Variants in TXLNB observed in about 807,000 individuals in gnomAD.
TXLNB encodes the protein taxilin beta.
Under a neutral mutation model 57.4 loss-of-function variants are expected in TXLNB, and 37 were observed. The ratio of observed to expected loss-of-function variants is 0.64; its 90% confidence interval spans 0.50 to 0.85. The LOEUF (loss-of-function observed/expected upper bound fraction) is 0.85. Among genes scored for constraint, TXLNB ranks in the 40% least tolerant of loss-of-function variants. The probability of loss-of-function intolerance (pLI) is 0.00; values close to 1 mark genes in which losing one functional copy is unlikely to be tolerated. For synonymous variants in TXLNB, 302 were observed against 309.6 expected, an observed-to-expected ratio of 0.98 and a Z score of 0.26; for missense variants, 848 against 825.6, an observed-to-expected ratio of 1.03 and a Z score of -0.33.
At position 139,243,333 on chromosome 6, in the gene TXLNB, C is replaced by T. The variant is rs755381399; in HGVS notation, c.1267-19G>A. 55 of 1,591,238 alleles carry T rather than the reference C, an allele frequency of 3.5e-5. No homozygotes were observed. The highest frequency in any genetic ancestry group is 4.3e-5 in the Non-Finnish European group (50 of 1,171,408). ...GTGCTTTCTGTGATGTGAAAACACA[C>T]GCACATACACACACAGATGAAATGA... On this transcript the variant is annotated intron_variant, in intron 9 of 9. Coordinates refer to ENST00000358430, the MANE Select transcript of TXLNB (RefSeq NM_153235.4).
At chr6:139,293,676 A>T (rs1032733328), upstream of TXLNB, among the ~76,000 whole-genome samples, 1 of 152,078 alleles carries the variant, frequency 6.6e-6, no homozygotes, top group African/African-American at 2.4e-5. Flanking sequence ...AAATGAAAAC[A>T]TCCCACCCCC....
chr6:139,240,406 T>G lies in TXLNB; in HGVS notation c.*2120A>C, dbSNP rs1456297446. The stretch of plus-strand genomic sequence containing the variant: ...GTAATGTGTTTCTGTGAAAGTCTTT[T>G]GGATGAAAATAATGAACTTTGGGTT... On this transcript the variant is annotated 3_prime_UTR_variant, in exon 10 of 10. Coordinates refer to ENST00000358430, the MANE Select transcript of TXLNB (RefSeq NM_153235.4). 6.5e-6 allele frequency: 1 copy of G among 152,674 alleles called. No individual in the cohort carries two copies. The highest frequency in any genetic ancestry group is 1.5e-5 in the Non-Finnish European group (1 of 68,034). The allele number at this position is 152,674 out of a possible 1,614,324, so 9.5% of individuals were successfully genotyped here. A position where few individuals can be genotyped will look rare whatever the true frequency, so the allele number is the denominator to read the frequency against.
the TXLNB span, among the ~76,000 whole-genome samples, chr6:139,304,370 G>T: frequency 6.6e-6 from 1 of 152,074 alleles, no homozygotes; most frequent in Admixed American, 6.6e-5. Flanking sequence ...TCCAAAATTC[G>T]GTTATATCAG....
the TXLNB span, among the ~76,000 whole-genome samples, chr6:139,210,202 A>T: frequency 4.8e-4 from 70 of 146,264 alleles, no homozygotes; most frequent in African/African-American, 1.2e-3. Flanking sequence ...TAAAAAATTT[A>T]AAAAAAAACA....
upstream of TXLNB, among the ~76,000 whole-genome samples, chr6:139,296,778 G>GGTGC (rs1777396358): frequency 6.6e-6 from 1 of 152,048 alleles, no homozygotes; most frequent in South Asian, 2.1e-4. Context: ...CAGGTGTGAT[G>GGTGC]GTGCGCACCT....
chr6:139,181,619 T>TAC, the TXLNB span, among the ~76,000 whole-genome samples: 2 of 152,232 alleles, frequency 1.3e-5, no homozygotes, highest in Non-Finnish European at 2.9e-5. Context: ...TAGTCATTGT[T>TAC]AATCTCTTAC....
chr6:139,294,313 A>C (rs1305035019), upstream of TXLNB, among the ~76,000 whole-genome samples: 1 of 152,112 alleles, frequency 6.6e-6, no homozygotes, highest in Non-Finnish European at 1.5e-5. Context: ...TTTCCTCAAC[A>C]CTTGATTCAT....
At chr6:139,162,505 C>T in the TXLNB span, among the ~76,000 whole-genome samples, 1 of 152,188 alleles carries the variant, frequency 6.6e-6, no homozygotes, top group Non-Finnish European at 1.5e-5. Context: ...CCAACTCAGG[C>T]AGTCTGGTTG....
At position 139,276,831 on chromosome 6, in the gene TXLNB, A is replaced by G. The variant is rs772794304; in HGVS notation, c.515T>C (p.Leu172Ser). The change falls in exon 3 of 10, where the codon TTG becomes TCG. Residue 172 changes from leucine to serine, a missense_variant and splice_region_variant. Transcript: ENST00000358430. ...AAAGAAGCTAATCCAAGATCTTACC[A>G]ATTCAGCATACTTCTTGAATAAAAA... ...FDFLFKKYAE[L>S]LDEHRTEQKK... 6.2e-7 allele frequency: 1 copy of G among 1,605,262 alleles called. No homozygotes were observed. The highest frequency in any genetic ancestry group is 8.5e-7 in the Non-Finnish European group (1 of 1,176,576).
the TXLNB span, among the ~76,000 whole-genome samples, chr6:139,218,498 A>T: frequency 3.9e-5 from 6 of 152,174 alleles, no homozygotes; most frequent in Admixed American, 3.9e-4. Flanking sequence ...CACACCTGTA[A>T]TCCCAGCACT....
chr6:139,316,347 C>A, the TXLNB span, among the ~76,000 whole-genome samples: 1 of 151,648 alleles, frequency 6.6e-6, no homozygotes, highest in Non-Finnish European at 1.5e-5. Flanking sequence ...GGTTTCTTAT[C>A]CCTCCCCTCC....
the TXLNB span, among the ~76,000 whole-genome samples, chr6:139,210,849 C>T: frequency 5.3e-5 from 8 of 152,240 alleles, no homozygotes; most frequent in African/African-American, 1.4e-4. Flanking sequence ...GCGCCTAGCT[C>T]GGAGGGTCCT....
At chr6:139,201,546 G>C in the TXLNB span, 1 of 152,102 alleles carries the variant, frequency 6.6e-6, no homozygotes, top group Non-Finnish European at 1.5e-5. Context: ...CATGCCTCTG[G>C]CATAGTGCCT....
chr6:139,288,761 T>C lies in TXLNB; in HGVS notation c.139A>G (p.Lys47Glu). The C allele has an allele frequency of 6.2e-7, 1 of 1,614,178 alleles. No individual in the cohort carries two copies. Among genetic ancestry groups the C allele is most frequent in the Non-Finnish European group, 8.5e-7 (1 of 1,180,026 alleles). The change falls in exon 2 of 10, where the codon AAA (lysine) becomes GAA (glutamate). Residue 47 changes from lysine (K) to glutamate (E), a missense_variant. By Grantham distance (56) the Lys-to-Glu change is moderately conservative. Coordinates refer to ENST00000358430, the MANE Select transcript of TXLNB (RefSeq NM_153235.4). ...ATATCGGGGTGCACACTTGCCTCTT[T>C]CTCTGGTGGTTGGACTGGGGTTGGA... The part of the protein sequence containing the change: ...DSPTPVQPPE[K>E]EASVHPDISE...
chr6:139,243,404 C>G, intron 9 of TXLNB, 90 bp from the exon 10 acceptor site: 2 of 1,360,406 alleles, frequency 1.5e-6, no homozygotes, highest in South Asian at 1.5e-5. Context: ...ACAAGCAAAA[C>G]TATTTGTCCC....
chr6:139,302,040 T>C, the TXLNB span, among the ~76,000 whole-genome samples: 5 of 152,086 alleles, frequency 3.3e-5, no homozygotes, highest in African/African-American at 9.7e-5. Context: ...ATATTCTTAA[T>C]TGAAACTACG....
chr6:139,244,109 C>T (rs1276877373), intron 9 of TXLNB, among the ~76,000 whole-genome samples: 1 of 152,098 alleles, frequency 6.6e-6, no homozygotes, highest in East Asian at 1.9e-4. Context: ...GGCATGAGAT[C>T]AGTGTTTAAA....
chr6:139,186,442 A>G, the TXLNB span, among the ~76,000 whole-genome samples: 1 of 152,220 alleles, frequency 6.6e-6, no homozygotes, highest in Non-Finnish European at 1.5e-5. Context: ...GCAAATTAAA[A>G]CCACAATGAG....
At position 139,262,704 on chromosome 6, in the gene TXLNB, T is replaced by A. The variant is rs1407936972; in HGVS notation, c.757A>T (p.Thr253Ser). The change falls in exon 5 of 10, where the codon ACC becomes TCC. Residue 253 changes from threonine to serine, a missense_variant. Thr to Ser is a moderately conservative substitution (Grantham distance 58). Transcript: ENST00000358430. ...ATCTGGCCCTGGATGTCCGTGAGGG[T>A]ACTCTGGAAATGGCTTGTGATTTCC... Reference protein sequence around the residue: ...RKEITSHFQSTLTDIQGQIEQ... With the variant: ...RKEITSHFQSSLTDIQGQIEQ... The A allele has an allele frequency of 1.2e-6, 2 of 1,614,046 alleles. No homozygotes were observed. The highest frequency in any genetic ancestry group is 1.7e-5 in the Admixed American group (1 of 60,010).
Sources: gnomAD v4.1 joint callset for allele counts (sites outside exome capture counted in the v4.1 genomes callset) on GRCh38, gnomAD v4.1.1 for gene constraint, MANE v1.5 for transcripts, NCBI Gene and HGNC (gene_info 2026-07-23, HGNC 2026-07-21) for gene names.